The following RXFP1 variants were observed in gnomAD, a reference collection of about 807,000 sequenced individuals.
RXFP1 encodes the protein relaxin receptor 1.
Under a neutral mutation model 89.8 loss-of-function variants are expected in RXFP1, and 73 were observed. That is an observed-to-expected ratio of 0.81 (90% confidence interval 0.67 to 0.99). The LOEUF is 0.99. RXFP1 is among the 50% of genes least tolerant of loss of function. RXFP1 has a pLI of 0.00. For missense variants in RXFP1, 793 were observed against 895.5 expected (o/e 0.89, Z 1.46); for synonymous variants, 277 against 305.5 (o/e 0.91, Z 0.97).
chr4:158,638,369 C>T (rs1158561394), intron 13 of RXFP1, among the ~76,000 whole-genome samples: 2 of 152,078 alleles, frequency 1.3e-5, no homozygotes, highest in African/African-American at 4.8e-5. Context: ...TGTGCATATT[C>T]ACTCTCTTAA....
intron 9 of RXFP1, among the ~76,000 whole-genome samples, chr4:158,620,879 G>A (rs976183711): frequency 6.6e-6 from 1 of 152,168 alleles, no homozygotes; most frequent in Non-Finnish European, 1.5e-5. Flanking sequence ...CCAACACTTT[G>A]GGAGGCCGAG....
chr4:158,581,344 G>A lies in RXFP1; in HGVS notation c.187+8509G>A, dbSNP rs1462642524. Among the ~76,000 whole-genome samples the A allele has an allele frequency of 2.0e-5, 3 of 152,232 alleles. No individual in the cohort carries two copies. The East Asian group carries it at 5.8e-4, about 29-fold the overall frequency. Reference sequence around the variant, plus strand: ...GTTACATAACTCTTCTGACATCATGGTTTGCTCAGAATTCATACCAAATGC... The same window carrying A: ...GTTACATAACTCTTCTGACATCATGATTTGCTCAGAATTCATACCAAATGC... On this transcript the variant is annotated intron_variant, in intron 2 of 17. Transcript: ENST00000307765.
intron 1 of RXFP1, among the ~76,000 whole-genome samples, chr4:158,565,733 G>A (rs1270758584): frequency 6.6e-6 from 1 of 152,166 alleles, no homozygotes; most frequent in Non-Finnish European, 1.5e-5. Context: ...GAAGCCATAA[G>A]TCTACCTGAT....
chr4:158,565,426 A>G (rs1381543090), intron 1 of RXFP1, among the ~76,000 whole-genome samples: 1 of 152,190 alleles, frequency 6.6e-6, no homozygotes, highest in Non-Finnish European at 1.5e-5. Flanking sequence ...ATACTCCACT[A>G]TCAGTGAGCT....
In RXFP1 at chr4:158,652,137, A is replaced by T; in HGVS notation, c.*82A>T. The T allele has an allele frequency of 8.9e-7, 1 of 1,119,492 alleles. No individual in the cohort carries two copies. The highest frequency in any genetic ancestry group is 1.3e-6 in the Non-Finnish European group (1 of 797,582). 69.3% of individuals were successfully genotyped at this position (1,119,492 alleles called of 1,614,324 possible). A position where few individuals can be genotyped will look rare whatever the true frequency, so the allele number is the denominator to read the frequency against. On this transcript the variant is annotated 3_prime_UTR_variant, in exon 18 of 18. Transcript: ENST00000307765. ...TTTACTGGTATGAAATGAATACCAC[A>T]AAATTAATTTATAATAATAGCTAAG...
intron 1 of RXFP1, among the ~76,000 whole-genome samples, chr4:158,530,821 T>TAAC (rs1743844690): frequency 6.6e-6 from 1 of 152,188 alleles, no homozygotes; most frequent in Admixed American, 6.5e-5. Context: ...TTTGTTGATA[T>TAAC]TTTCTCAACC....
intron 1 of RXFP1, among the ~76,000 whole-genome samples, chr4:158,550,103 G>T (rs1189965168): frequency 1.3e-5 from 2 of 152,236 alleles, no homozygotes; most frequent in Admixed American, 1.3e-4. Flanking sequence ...GCTCCACCCA[G>T]TTCAAGCTTC....
intron 2 of RXFP1, among the ~76,000 whole-genome samples, chr4:158,576,697 C>T (rs891956718): frequency 3.9e-5 from 6 of 152,038 alleles, no homozygotes; most frequent in African/African-American, 9.7e-5. Context: ...CAATTATCTA[C>T]AATTTTTAGC....
chr4:158,578,044 T>C (rs954542988), intron 2 of RXFP1, among the ~76,000 whole-genome samples: 2 of 152,236 alleles, frequency 1.3e-5, no homozygotes, highest in Non-Finnish European at 2.9e-5. Context: ...GTTGAATTCA[T>C]ATGAATCCTT....
At chr4:158,643,031 C>T (rs990190127) in intron 14 of RXFP1, among the ~76,000 whole-genome samples, 2 of 152,162 alleles carry the variant, frequency 1.3e-5, no homozygotes, top group African/African-American at 4.8e-5. Context: ...AAGCTGGCTG[C>T]CCCACCCTAA....
chr4:158,587,657 T>C (rs1284650319), intron 2 of RXFP1, among the ~76,000 whole-genome samples: 1 of 152,224 alleles, frequency 6.6e-6, no homozygotes, highest in African/African-American at 2.4e-5. Flanking sequence ...AATACAATAA[T>C]AATTTATGAT....
intron 11 of RXFP1, among the ~76,000 whole-genome samples, chr4:158,633,108 T>A (rs1188205143): frequency 6.6e-6 from 1 of 152,030 alleles, no homozygotes; most frequent in Non-Finnish European, 1.5e-5. Flanking sequence ...AGACAGAGGT[T>A]GTGGTGTGCC....
chr4:158,568,310 T>G (rs376505134), intron 1 of RXFP1, among the ~76,000 whole-genome samples: 11 of 152,328 alleles, frequency 7.2e-5, no homozygotes, highest in African/African-American at 2.6e-4. Flanking sequence ...AGGAGCTATA[T>G]CTGCCACTAA....
Position 158,651,854 on chromosome 4 carries a change from G to A in RXFP1, c.2073G>A (p.Met691Ile). ...TGACCACAAGACCATTTAAAGAAATGATTCATCGGTTTTGGTATAACTACA... is the reference window on the plus strand; with the variant it reads ...TGACCACAAGACCATTTAAAGAAATAATTCATCGGTTTTGGTATAACTACA... Reference protein sequence around the residue: ...YTLTTRPFKEMIHRFWYNYRQ... With the variant: ...YTLTTRPFKEIIHRFWYNYRQ... Residue 691 changes from methionine to isoleucine, a missense_variant, in exon 18 of 18, where the codon ATG becomes ATA. By Grantham distance (10) the Met-to-Ile change is conservative. Transcript: ENST00000307765. 1 of 1,614,106 alleles carries A rather than the reference G, an allele frequency of 6.2e-7. No homozygotes were observed. Among genetic ancestry groups the A allele is most frequent in the East Asian group, 2.2e-5 (1 of 44,882 alleles).
chr4:158,548,960 T>C (rs1173454778), intron 1 of RXFP1, among the ~76,000 whole-genome samples: 1 of 151,934 alleles, frequency 6.6e-6, no homozygotes, highest in Admixed American at 6.6e-5. Context: ...AGTATCTTTG[T>C]GGCGTTCTCT....
intron 2 of RXFP1, among the ~76,000 whole-genome samples, chr4:158,591,206 G>C (rs1047225501): frequency 1.3e-5 from 2 of 152,208 alleles, no homozygotes; most frequent in African/African-American, 4.8e-5. Context: ...AGTGGGGGTA[G>C]AATAAAAGAG....
intron 8 of RXFP1, among the ~76,000 whole-genome samples, chr4:158,614,233 C>T (rs578198299): frequency 1.1e-4 from 17 of 152,140 alleles, no homozygotes; most frequent in South Asian, 8.3e-4. Context: ...AGTAAATGAG[C>T]GTTGACTTCC....
intron 1 of RXFP1, among the ~76,000 whole-genome samples, chr4:158,572,061 G>A (rs1755183048): frequency 6.6e-6 from 1 of 152,082 alleles, no homozygotes; most frequent in Non-Finnish European, 1.5e-5. Flanking sequence ...CCAATCCCCT[G>A]GGCTCTATGT....
chr4:158,624,063 C>T (rs1432960819), intron 9 of RXFP1, among the ~76,000 whole-genome samples: 1 of 152,006 alleles, frequency 6.6e-6, no homozygotes, highest in African/African-American at 2.4e-5. Flanking sequence ...GTACGTGCAC[C>T]TAATCCTAAT....
Sources: allele counts gnomAD v4.1 joint callset (sites outside exome capture counted in the v4.1 genomes callset), GRCh38; gene constraint gnomAD v4.1.1; transcripts MANE v1.5; gene names NCBI Gene and HGNC (gene_info 2026-07-23, HGNC 2026-07-21).